The following MAML2 variants were observed in gnomAD, a reference collection of about 807,000 sequenced individuals.
MAML2 encodes mastermind like transcriptional coactivator 2.
MAML2 carries 22 observed loss-of-function variants against 96.1 expected under a neutral mutation model. The observed-to-expected ratio is 0.23, with a 90% CI of 0.16 to 0.33. The LOEUF is 0.33. Among genes scored for constraint, MAML2 ranks in the 10% least tolerant of loss-of-function variants. MAML2 has a pLI of 1.00. For missense variants in MAML2, 1,367 were observed against 1,392.4 expected (o/e 0.98, Z 0.29); for synonymous variants, 561 against 521.3 (o/e 1.08, Z -1.04).
intron 1 of MAML2, among the ~76,000 whole-genome samples, chr11:96,155,508 A>AC (rs1860995254): frequency 1.4e-5 from 1 of 69,168 alleles, no homozygotes; most frequent in Non-Finnish European, 2.9e-5. Context: ...GTAACAATTC[A>AC]AATATATATA....
intron 1 of MAML2, among the ~76,000 whole-genome samples, chr11:96,185,576 T>C (rs892138133): frequency 6.6e-6 from 1 of 152,220 alleles, no homozygotes; most frequent in African/African-American, 2.4e-5. Context: ...GTTTGGGGTC[T>C]AGATGAACAT....
intron 1 of MAML2, among the ~76,000 whole-genome samples, chr11:96,171,804 G>T (rs969200513): frequency 2.6e-5 from 4 of 152,240 alleles, no homozygotes; most frequent in Admixed American, 2.6e-4. Flanking sequence ...GGCAAAGGAG[G>T]TTGTGCATTC....
chr11:96,228,490 T>C (rs1237188787), intron 1 of MAML2, among the ~76,000 whole-genome samples: 4 of 152,190 alleles, frequency 2.6e-5, no homozygotes, highest in Non-Finnish European at 5.9e-5. Flanking sequence ...TACATACACC[T>C]TGACTTTCCT....
chr11:96,295,134 A>G (rs1289531149), intron 1 of MAML2, among the ~76,000 whole-genome samples: 1 of 152,194 alleles, frequency 6.6e-6, no homozygotes, highest in African/African-American at 2.4e-5. Flanking sequence ...AGGTGAATGA[A>G]AGTCTCATTT....
At chr11:96,300,944 G>T (rs1001495850) in intron 1 of MAML2, among the ~76,000 whole-genome samples, 1 of 152,134 alleles carries the variant, frequency 6.6e-6, no homozygotes, top group Non-Finnish European at 1.5e-5. Flanking sequence ...TTCCTTTTCT[G>T]TACAATGAGA....
chr11:95,983,715 TA>T (rs1321007379), intron 4 of MAML2, among the ~76,000 whole-genome samples: 1 of 149,814 alleles, frequency 6.7e-6, no homozygotes, highest in African/African-American at 2.5e-5. Flanking sequence ...TTAAAAATTG[TA>T]AGAAAATAGA....
At chr11:95,983,970 C>T (rs533689910) in intron 4 of MAML2, among the ~76,000 whole-genome samples, 4 of 152,202 alleles carry the variant, frequency 2.6e-5, no homozygotes, top group African/African-American at 7.2e-5. Flanking sequence ...CAGTGATGTC[C>T]TAGGCCTTTG....
intron 1 of MAML2, among the ~76,000 whole-genome samples, chr11:96,296,189 T>C (rs947090746): frequency 6.6e-6 from 1 of 152,040 alleles, no homozygotes; most frequent in African/African-American, 2.4e-5. Flanking sequence ...GCACACACCA[T>C]CATACTCAGC....
rs1555037086 is a variant in MAML2 at position 96,299,072 on chromosome 11, T to TATAC, written c.513+42310_513+42311insGTAT. 2.7e-4 allele frequency among the ~76,000 whole-genome samples: 36 copies of TATAC among 135,576 alleles called. 2 individuals carry two copies. Among genetic ancestry groups the TATAC allele is most frequent in the African/African-American group, 9.8e-4 (35 of 35,826 alleles). The allele number at this position is 135,576 out of a possible 152,430, so 88.9% of individuals were successfully genotyped here. A position where few individuals can be genotyped will look rare whatever the true frequency, so the allele number is the denominator to read the frequency against. On this transcript the variant is annotated intron_variant, in intron 1 of 4. Transcript: ENST00000524717. Reference sequence around the variant, plus strand: ...AAAAAAAAAAAAAAATATATATATATATATATATAAAATTTCACCAAACAG... The same window carrying TATAC: ...AAAAAAAAAAAAAAATATATATATATATACATATATATAAAATTTCACCAAACAG...
chr11:96,286,137 T>C (rs988269930), intron 1 of MAML2, among the ~76,000 whole-genome samples: 5 of 152,202 alleles, frequency 3.3e-5, no homozygotes, highest in Admixed American at 2.0e-4. Flanking sequence ...TGGAATACTA[T>C]ACAGCCATAA....
At chr11:96,192,493 T>G (rs1861668245) in intron 1 of MAML2, among the ~76,000 whole-genome samples, 1 of 152,188 alleles carries the variant, frequency 6.6e-6, no homozygotes, top group Admixed American at 6.5e-5. Context: ...CAAGGATGCT[T>G]CCAATCATAA....
intron 1 of MAML2, among the ~76,000 whole-genome samples, chr11:96,312,244 A>AAAAAAAAAAAAT (rs60194294): frequency 6.8e-6 from 1 of 147,740 alleles, no homozygotes; most frequent in Non-Finnish European, 1.5e-5. Context: ...AAAAAAAAAA[A>AAAAAAAAAAAAT]GAATGAGCAA....
intron 2 of MAML2, among the ~76,000 whole-genome samples, chr11:96,002,689 G>A (rs1591085292): frequency 1.6e-5 from 1 of 60,954 alleles, no homozygotes; most frequent in Admixed American, 1.9e-4. Context: ...TGGGGATGGT[G>A]GGGAGCATGA....
intron 1 of MAML2, among the ~76,000 whole-genome samples, chr11:96,160,930 G>A (rs2155005): frequency 0.37 from 56,296 of 152,076 alleles, 10,605 homozygotes; most frequent in South Asian, 0.41. Flanking sequence ...CGCCCTCTGC[G>A]AGTGACCCTT....
chr11:96,275,329 G>C (rs568736956), intron 1 of MAML2, among the ~76,000 whole-genome samples: 1 of 138,782 alleles, frequency 7.2e-6, no homozygotes, highest in Non-Finnish European at 1.5e-5. Flanking sequence ...CCAGGCTGGA[G>C]TGCAGTGGCG....
intron 2 of MAML2, among the ~76,000 whole-genome samples, chr11:96,014,876 A>G (rs1005664137): frequency 1.3e-5 from 2 of 152,232 alleles, no homozygotes; most frequent in East Asian, 1.9e-4. Flanking sequence ...AGAAATTCCA[A>G]TGCATGTTTG....
intron 2 of MAML2, among the ~76,000 whole-genome samples, chr11:96,003,045 T>C (rs1858119442): frequency 1.4e-5 from 2 of 145,484 alleles, no homozygotes; most frequent in Admixed American, 7.0e-5. Context: ...AGGAGGATGA[T>C]GGGGATGATG....
At chr11:96,154,432 G>C (rs1860978137) in intron 1 of MAML2, among the ~76,000 whole-genome samples, 1 of 152,192 alleles carries the variant, frequency 6.6e-6, no homozygotes, top group Non-Finnish European at 1.5e-5. Context: ...GGTTCAATTT[G>C]AGAAATAGAA....
At chr11:96,085,040 T>A (rs1423213920) in intron 2 of MAML2, among the ~76,000 whole-genome samples, 3 of 152,224 alleles carry the variant, frequency 2.0e-5, no homozygotes, top group African/African-American at 7.2e-5. Context: ...CTTCCCTCTA[T>A]TATGTTCAAC....
Sources: allele counts gnomAD v4.1 joint callset (sites outside exome capture counted in the v4.1 genomes callset), GRCh38; gene constraint gnomAD v4.1.1; transcripts MANE v1.5; gene names NCBI Gene and HGNC (gene_info 2026-07-23, HGNC 2026-07-21).